The following SNAP25 variants were observed in gnomAD, a reference collection of about 807,000 sequenced individuals.
SNAP25 encodes synaptosomal-associated protein 25.
A neutral mutation model predicts 28.7 loss-of-function variants in SNAP25; 3 were observed. The observed-to-expected ratio is 0.10, with a 90% CI of 0.05 to 0.27. The LOEUF (loss-of-function observed/expected upper bound fraction) is 0.27, where lower values mean the gene tolerates loss of function less well. SNAP25 is among the 10% of genes least tolerant of loss of function. SNAP25 has a pLI of 1.00. For missense variants in SNAP25, 117 were observed against 278.7 expected, an observed-to-expected ratio of 0.42 and a Z score of 4.13; for synonymous variants, 61 against 88.1, an observed-to-expected ratio of 0.69 and a Z score of 1.72.
rs571554871 is a variant in SNAP25 at position 10,300,540 on chromosome 20, G to C, written c.552+1128G>C. Reference sequence around the variant, plus strand: ...TCTTATAATAATTCATTCCATTTTGGTGAGCAGAGAAGGATACTTTTAAGA... The same window carrying C: ...TCTTATAATAATTCATTCCATTTTGCTGAGCAGAGAAGGATACTTTTAAGA... On this transcript the variant is annotated intron_variant, in intron 7 of 7. Transcript: ENST00000254976. 1.1e-4 allele frequency among the ~76,000 whole-genome samples: 16 copies of C among 152,158 alleles called. No individual in the cohort carries two copies. In the South Asian group the frequency reaches 3.3e-3, roughly 32 times the overall value.
intron 4 of SNAP25, among the ~76,000 whole-genome samples, chr20:10,289,394 A>G (rs900387597): frequency 2.0e-5 from 3 of 152,070 alleles, no homozygotes; most frequent in Admixed American, 2.0e-4. Context: ...ACTTTTGGGA[A>G]AATCTCCTGG....
At chr20:10,302,194 C>T (rs1046548744) in intron 7 of SNAP25, among the ~76,000 whole-genome samples, 6 of 152,022 alleles carry the variant, frequency 3.9e-5, no homozygotes, top group Admixed American at 6.6e-5. Context: ...CCACTGCACT[C>T]GCACTCCAGC....
chr20:10,268,428 G>T (rs1407832956), intron 1 of SNAP25, among the ~76,000 whole-genome samples: 1 of 152,184 alleles, frequency 6.6e-6, no homozygotes, highest in Non-Finnish European at 1.5e-5. Flanking sequence ...TTTATTAAAA[G>T]AGGAACAGAA....
chr20:10,249,619 G>A (rs2063189749), intron 1 of SNAP25, among the ~76,000 whole-genome samples: 3 of 152,030 alleles, frequency 2.0e-5, no homozygotes, highest in Admixed American at 6.6e-5. Flanking sequence ...GAGCTCTCTG[G>A]GTGTCCATCC....
chr20:10,297,649 G>A (rs146505750), intron 6 of SNAP25, among the ~76,000 whole-genome samples: 1 of 152,308 alleles, frequency 6.6e-6, no homozygotes, highest in Non-Finnish European at 1.5e-5. Flanking sequence ...ACGACTGTGG[G>A]CAAGGAACTA....
intron 1 of SNAP25, among the ~76,000 whole-genome samples, chr20:10,236,726 C>T (rs538786732): frequency 7.2e-5 from 11 of 152,120 alleles, no homozygotes; most frequent in South Asian, 6.2e-4. Flanking sequence ...GTGGAAGCCT[C>T]GCAGCAGGTC....
intron 1 of SNAP25, among the ~76,000 whole-genome samples, chr20:10,265,188 A>T (rs2063486713): frequency 6.6e-6 from 1 of 152,214 alleles, no homozygotes; most frequent in South Asian, 2.1e-4. Flanking sequence ...ATTGAATTTC[A>T]TGCACAGGAA....
At chr20:10,241,801 G>C (rs975525815) in intron 1 of SNAP25, among the ~76,000 whole-genome samples, 1 of 152,182 alleles carries the variant, frequency 6.6e-6, no homozygotes, top group Admixed American at 6.5e-5. Flanking sequence ...TGTTAGGAGG[G>C]AGCCAGGTTA....
intron 1 of SNAP25, among the ~76,000 whole-genome samples, chr20:10,247,106 T>C (rs2063142751): frequency 6.6e-6 from 1 of 152,130 alleles, no homozygotes; most frequent in African/African-American, 2.4e-5. Flanking sequence ...TTAAGATCCA[T>C]GTGACCCAAA....
chr20:10,239,315 T>C (rs762677324), intron 1 of SNAP25, among the ~76,000 whole-genome samples: 13 of 152,326 alleles, frequency 8.5e-5, no homozygotes, highest in Admixed American at 2.0e-4. Flanking sequence ...ATATATGAAA[T>C]TCACATAGGT....
rs559351686 is a variant in SNAP25 at position 10,274,309 on chromosome 20, G to A, written c.-63-1120G>A. Reference sequence around the variant, plus strand: ...GCTCACCCTCACACAAGCCCTTTTGGCAACCTCTGATGATGACTGAAATAG... The same window carrying A: ...GCTCACCCTCACACAAGCCCTTTTGACAACCTCTGATGATGACTGAAATAG... On this transcript the variant is annotated intron_variant, in intron 1 of 7. Transcript: ENST00000254976. Among the ~76,000 whole-genome samples, 5 of 152,156 alleles carry A rather than the reference G, an allele frequency of 3.3e-5. No individual in the cohort carries two copies. The South Asian group carries it at 8.3e-4, about 25-fold the overall frequency.
chr20:10,285,829 C>G (rs982975667), intron 4 of SNAP25, among the ~76,000 whole-genome samples: 1 of 152,142 alleles, frequency 6.6e-6, no homozygotes, highest in African/African-American at 2.4e-5. Context: ...TGAAACCATG[C>G]TCTAATCACC....
At chr20:10,303,755 T>C (rs1288304373) in intron 7 of SNAP25, among the ~76,000 whole-genome samples, 2 of 152,180 alleles carry the variant, frequency 1.3e-5, no homozygotes, top group African/African-American at 4.8e-5. Flanking sequence ...TTCTCAGTGG[T>C]GATGGGAATC....
At chr20:10,267,069 T>C (rs1197000961) in intron 1 of SNAP25, among the ~76,000 whole-genome samples, 12 of 152,082 alleles carry the variant, frequency 7.9e-5, no homozygotes, top group Admixed American at 7.9e-4. Context: ...TTTCAACATA[T>C]TGAAAATAAA....
At position 10,293,046 on chromosome 20, in the gene SNAP25, C is replaced by CTTTTTT; in HGVS notation, c.164-107_164-102dup. On this transcript the variant is annotated intron_variant, in intron 4 of 7. Transcript: ENST00000254976. This position sits in a 1 kb window ranked among gnomAD's most constrained non-coding sequence, Gnocchi z 5.6. ...TAATCTGTGGCGTCCAGTTTTCTTTCTTTTTTTTTTTTTCTTTTTTAATGT... is the reference window on the plus strand; with the variant it reads ...TAATCTGTGGCGTCCAGTTTTCTTTCTTTTTTTTTTTTTTTTTTTCTTTTTTAATGT... 8.9e-7 allele frequency: 1 copy of CTTTTTT among 1,120,078 alleles called. No individual in the cohort carries two copies. The highest frequency in any genetic ancestry group is 1.2e-6 in the Non-Finnish European group (1 of 811,560). 69.4% of individuals were successfully genotyped at this position (1,120,078 alleles called of 1,614,324 possible).
chr20:10,280,129 C>T (rs1298885586), intron 3 of SNAP25, among the ~76,000 whole-genome samples: 3 of 152,182 alleles, frequency 2.0e-5, no homozygotes, highest in Non-Finnish European at 4.4e-5. Context: ...GTCTCAAAGA[C>T]AGGAAAGGTT....
intron 4 of SNAP25, among the ~76,000 whole-genome samples, chr20:10,285,080 A>C (rs540541878): frequency 1.6e-4 from 25 of 152,208 alleles, no homozygotes; most frequent in African/African-American, 6.0e-4. Context: ...CAGTGTAAGA[A>C]TTTTCTTATT....
chr20:10,226,025 G>A (rs935133688), intron 1 of SNAP25, among the ~76,000 whole-genome samples: 1 of 152,158 alleles, frequency 6.6e-6, no homozygotes, highest in Non-Finnish European at 1.5e-5. Flanking sequence ...TTTCCATGAA[G>A]AGTCTCAGAC....
At chr20:10,266,806 G>A (rs1405035500) in intron 1 of SNAP25, among the ~76,000 whole-genome samples, 3 of 152,232 alleles carry the variant, frequency 2.0e-5, no homozygotes, top group Non-Finnish European at 4.4e-5. Context: ...TTGATGGAAC[G>A]AACTCACTGT....
Sources: allele counts gnomAD v4.1 joint callset (sites outside exome capture counted in the v4.1 genomes callset), GRCh38; gene constraint gnomAD v4.1.1; non-coding constraint Gnocchi (gnomAD v3.1); transcripts MANE v1.5; gene names NCBI Gene and HGNC (gene_info 2026-07-23, HGNC 2026-07-21).